The following RBFOX1 variants were observed in gnomAD, a reference collection of about 807,000 sequenced individuals.
RBFOX1 encodes the protein RNA binding protein fox-1 homolog 1.
In RBFOX1, 8 loss-of-function variants were observed where a neutral mutation model predicts 57.7. That is an observed-to-expected ratio of 0.14 (90% CI 0.08 to 0.25). The LOEUF (loss-of-function observed/expected upper bound fraction) is 0.25, where lower values mean the gene tolerates loss of function less well. Ranked by LOEUF, RBFOX1 falls within the 10% of genes least tolerant of loss-of-function variation. RBFOX1 has a pLI of 1.00. For synonymous variants in RBFOX1, 326 were observed against 222.4 expected (o/e 1.47, Z -4.15); for missense variants, 611 against 548.5 (o/e 1.11, Z -1.14).
intron 3 of RBFOX1, among the ~76,000 whole-genome samples, chr16:6,810,419 C>G (rs192495719): frequency 6.6e-6 from 1 of 152,016 alleles, no homozygotes; most frequent in Non-Finnish European, 1.5e-5. Flanking sequence ...GGTACTTTTT[C>G]CTGGGAGAAG....
intron 2 of RBFOX1, among the ~76,000 whole-genome samples, chr16:6,388,093 C>T (rs2092398489): frequency 6.8e-6 from 1 of 146,280 alleles, no homozygotes. Flanking sequence ...GATTCTTCTG[C>T]CTCAGCCTCC....
At chr16:5,397,571 A>G (rs1282773657) in intron 1 of RBFOX1, among the ~76,000 whole-genome samples, 1 of 152,194 alleles carries the variant, frequency 6.6e-6, no homozygotes, top group Non-Finnish European at 1.5e-5. Context: ...TTGAAAAGTC[A>G]TTTCTGAGAA....
chr16:7,205,187 T>C (rs2089664286), intron 4 of RBFOX1, among the ~76,000 whole-genome samples: 1 of 151,996 alleles, frequency 6.6e-6, no homozygotes, highest in African/African-American at 2.4e-5. Flanking sequence ...TGAGGCTTGC[T>C]CGATGAATAT....
At chr16:7,171,109 C>G (rs932712420) in intron 4 of RBFOX1, among the ~76,000 whole-genome samples, 1 of 152,168 alleles carries the variant, frequency 6.6e-6, no homozygotes, top group African/African-American at 2.4e-5. Context: ...CTTCCCAAAC[C>G]CTCTCCCTAT....
In RBFOX1 at chr16:7,083,080, ACT is replaced by A. The variant is rs139928062; in HGVS notation, c.27+30985_27+30986del. Among the ~76,000 whole-genome samples the A allele has an allele frequency of 7.7e-3, 1,174 of 152,264 alleles. 14 individuals carry two copies. Among genetic ancestry groups the A allele is most frequent in the African/African-American group, 0.026 (1,099 of 41,544 alleles). On this transcript the variant is annotated intron_variant, in intron 4 of 15. Coordinates refer to ENST00000550418, the MANE Select transcript of RBFOX1 (RefSeq NM_018723.4). ...GGAGTGACAATAAATAGAAAATGTC[ACT>A]CTGCTCATTTCAAGGAACAAGGTTT...
At chr16:6,143,360 G>T (rs77836363) in intron 1 of RBFOX1, among the ~76,000 whole-genome samples, 4,683 of 152,212 alleles carry the variant, frequency 0.031, 266 homozygotes, top group African/African-American at 0.11. Context: ...TATCTTAATT[G>T]ACCATTATGT....
chr16:6,707,835 C>T (rs1014763749), intron 3 of RBFOX1, among the ~76,000 whole-genome samples: 1 of 152,156 alleles, frequency 6.6e-6, no homozygotes, highest in Non-Finnish European at 1.5e-5. Context: ...TCTCCTTCCC[C>T]AAGCTCAAAG....
chr16:6,315,808 C>G (rs1055894263), intron 1 of RBFOX1, among the ~76,000 whole-genome samples: 1 of 152,098 alleles, frequency 6.6e-6, no homozygotes, highest in Non-Finnish European at 1.5e-5. Context: ...ATTTTGAAGT[C>G]ACTTGATGTT....
intron 4 of RBFOX1, among the ~76,000 whole-genome samples, chr16:5,877,937 A>AG (rs2057656746): frequency 6.6e-6 from 1 of 152,166 alleles, no homozygotes; most frequent in South Asian, 2.1e-4. Flanking sequence ...TGTTTAAGCT[A>AG]GTCCTCAATT....
At chr16:7,579,002 A>G (rs1335731607) in intron 5 of RBFOX1, among the ~76,000 whole-genome samples, 1 of 152,244 alleles carries the variant, frequency 6.6e-6, no homozygotes, top group African/African-American at 2.4e-5. Flanking sequence ...ACAGAGCACA[A>G]CAGCACTTTC....
chr16:5,978,349 T>C (rs2060108375), intron 4 of RBFOX1, among the ~76,000 whole-genome samples: 1 of 151,670 alleles, frequency 6.6e-6, no homozygotes, highest in Non-Finnish European at 1.5e-5. Flanking sequence ...ATAAAAAAAA[T>C]AAGCTTTGTA....
chr16:7,677,813 G>C (rs2073782295), intron 14 of RBFOX1, among the ~76,000 whole-genome samples: 1 of 152,114 alleles, frequency 6.6e-6, no homozygotes, highest in Non-Finnish European at 1.5e-5. Flanking sequence ...GGGCATGCTG[G>C]GTCAGACAGG....
intron 4 of RBFOX1, among the ~76,000 whole-genome samples, chr16:7,385,241 C>G (rs1190268155): frequency 6.6e-6 from 1 of 152,264 alleles, no homozygotes; most frequent in Non-Finnish European, 1.5e-5. Context: ...CCACGTGAAA[C>G]ATAGACCAGT....
chr16:5,555,533 G>A (rs2045635992), intron 2 of RBFOX1, among the ~76,000 whole-genome samples: 1 of 152,040 alleles, frequency 6.6e-6, no homozygotes, highest in South Asian at 2.1e-4. Context: ...TTACAGGCAT[G>A]AGCCACTGCA....
At chr16:6,156,752 C>T (rs1490684250) in intron 1 of RBFOX1, among the ~76,000 whole-genome samples, 1 of 152,164 alleles carries the variant, frequency 6.6e-6, no homozygotes, top group African/African-American at 2.4e-5. Context: ...GTGCTTATTT[C>T]AGTCCATTGG....
chr16:6,561,800 G>A (rs1301587138), intron 2 of RBFOX1, among the ~76,000 whole-genome samples: 3 of 152,188 alleles, frequency 2.0e-5, no homozygotes, highest in Non-Finnish European at 4.4e-5. Flanking sequence ...TTCTGAACAT[G>A]TGTAGGGGCC....
intron 3 of RBFOX1, among the ~76,000 whole-genome samples, chr16:5,719,473 G>C (rs781440071): frequency 6.6e-6 from 1 of 151,660 alleles, no homozygotes; most frequent in African/African-American, 2.4e-5. Context: ...GCCTCCCAAA[G>C]TGCTGGGATT....
intron 1 of RBFOX1, among the ~76,000 whole-genome samples, chr16:5,420,737 T>C (rs1358516493): frequency 6.6e-6 from 1 of 152,048 alleles, no homozygotes; most frequent in East Asian, 1.9e-4. Context: ...GGTTTCACCA[T>C]GTTGCCCAGG....
At chr16:7,709,525 G>A in intron 15 of RBFOX1, 3 of 1,533,268 alleles carry the variant, frequency 2.0e-6, no homozygotes, top group Non-Finnish European at 2.6e-6. Context: ...ACAGACTTCA[G>A]AGGAGCTAAG....
Sources: allele counts gnomAD v4.1 joint callset (sites outside exome capture counted in the v4.1 genomes callset), GRCh38; gene constraint gnomAD v4.1.1; transcripts MANE v1.5; gene names NCBI Gene and HGNC (gene_info 2026-07-23, HGNC 2026-07-21).